The following SLC36A1 variants were observed in gnomAD, a reference collection of about 807,000 sequenced individuals.
SLC36A1 encodes the protein proton-coupled amino acid transporter 1.
A neutral mutation model predicts 47.5 loss-of-function variants in SLC36A1; 30 were observed. The observed-to-expected ratio is 0.63, with a 90% CI of 0.47 to 0.86. The LOEUF is 0.86. Ranked by LOEUF, SLC36A1 falls within the 40% of genes least tolerant of loss-of-function variation. The pLI is 0.00. For missense variants in SLC36A1, 517 were observed against 606.0 expected (o/e 0.85, Z 1.54); for synonymous variants, 255 against 249.7 (o/e 1.02, Z -0.20).
chr5:151,421,731 C>A, the SLC36A1 span, among the ~76,000 whole-genome samples: 3 of 151,944 alleles, frequency 2.0e-5, no homozygotes. Context: ...GCTGGGACTA[C>A]AGCCATGTGC....
the SLC36A1 span, among the ~76,000 whole-genome samples, chr5:151,428,768 G>A: frequency 6.6e-6 from 1 of 152,178 alleles, no homozygotes; most frequent in Non-Finnish European, 1.5e-5. Flanking sequence ...GAGTAGCTGG[G>A]ATGACAGGCA....
the SLC36A1 span, among the ~76,000 whole-genome samples, chr5:151,410,279 A>G: frequency 6.9e-6 from 1 of 145,312 alleles, no homozygotes; most frequent in Non-Finnish European, 1.5e-5. Context: ...TCATTCATTC[A>G]TTGAAAGAGA....
chr5:151,547,343 A>G, the SLC36A1 span, among the ~76,000 whole-genome samples: 43 of 152,218 alleles, frequency 2.8e-4, no homozygotes, highest in Admixed American at 1.9e-3. Context: ...TCTTCATTCT[A>G]TCAGGGAGCT....
At chr5:151,413,461 A>G in the SLC36A1 span, among the ~76,000 whole-genome samples, 25,487 of 152,108 alleles carry the variant, frequency 0.17, 2,372 homozygotes, top group East Asian at 0.38. Context: ...ATGGAAAAAA[A>G]CAAATAGCAT....
the SLC36A1 span, among the ~76,000 whole-genome samples, chr5:151,528,618 G>A: frequency 1.3e-5 from 2 of 152,216 alleles, no homozygotes; most frequent in African/African-American, 4.8e-5. Context: ...ACGATGTTTT[G>A]GGGAAAGGTA....
chr5:151,546,203 C>A, the SLC36A1 span: 1 of 1,614,174 alleles, frequency 6.2e-7, no homozygotes, highest in South Asian at 1.1e-5. Context: ...GTAGCCAGGT[C>A]ATGCCATTGT....
At chr5:151,512,739 G>T in the SLC36A1 span, 1 of 795,244 alleles carries the variant, frequency 1.3e-6, no homozygotes, top group South Asian at 1.8e-5. The surrounding 1 kb of genome is among the most constrained non-coding windows in gnomAD (Gnocchi z 4.1). Flanking sequence ...TTTAGACATG[G>T]CATTTGCAGA....
At chr5:151,385,358 A>T in the SLC36A1 span, among the ~76,000 whole-genome samples, 3 of 152,190 alleles carry the variant, frequency 2.0e-5, no homozygotes. Context: ...CCACCTGGCC[A>T]TGTCAGGCAG....
chr5:151,499,638 G>A, the SLC36A1 span, among the ~76,000 whole-genome samples: 1 of 152,016 alleles, frequency 6.6e-6, no homozygotes, highest in African/African-American at 2.4e-5. Context: ...TGCCTGCCTC[G>A]GAGATCCCAT....
the SLC36A1 span, among the ~76,000 whole-genome samples, chr5:151,390,021 C>A: frequency 2.0e-5 from 3 of 152,176 alleles, no homozygotes; most frequent in Non-Finnish European, 2.9e-5. Flanking sequence ...TTTACAGTCC[C>A]ACCAACAGTG....
rs1429506511 is a variant in SLC36A1, at chr5:151,492,324, T to C, written c.*4070T>C. On this transcript the variant is annotated 3_prime_UTR_variant, in exon 11 of 11. Transcript: ENST00000243389. ...TAGATCCTGTTTTGGGGTTTGCACATGGATCGTATGTTAAGCTTTTTCTTT... is the reference window on the plus strand; with the variant it reads ...TAGATCCTGTTTTGGGGTTTGCACACGGATCGTATGTTAAGCTTTTTCTTT... The C allele has an allele frequency of 6.6e-6, 1 of 152,208 alleles. No homozygotes were observed. The highest frequency in any genetic ancestry group is 2.4e-5 in the African/African-American group (1 of 41,442). 9.4% of individuals were successfully genotyped at this position (152,208 alleles called of 1,614,324 possible).
chr5:151,529,416 A>G, the SLC36A1 span: 21 of 1,608,582 alleles, frequency 1.3e-5, 1 homozygote, highest in Middle Eastern at 5.9e-4. Flanking sequence ...AGGTGACAGC[A>G]GCAATGAGGC....
At chr5:151,448,004 CTG>C (rs1415955865) in intron 1 of SLC36A1, 191 bp downstream of exon 1, 1 of 152,296 alleles carries the variant, frequency 6.6e-6, no homozygotes, top group Non-Finnish European at 1.5e-5. Flanking sequence ...GTGGGGGAAA[CTG>C]GGGTAGATGG....
chr5:151,507,290 T>A, the SLC36A1 span: 5 of 1,613,912 alleles, frequency 3.1e-6, no homozygotes, highest in Non-Finnish European at 4.2e-6. Flanking sequence ...ATGTGACGAG[T>A]TCATTTGGAA....
the SLC36A1 span, among the ~76,000 whole-genome samples, chr5:151,367,374 T>TTTTTTTTTTTCCC: frequency 4.1e-5 from 6 of 145,464 alleles, no homozygotes; most frequent in African/African-American, 1.6e-4. Context: ...TTTTTTTTTT[T>TTTTTTTTTTTCCC]CCCCAGGGTA....
the SLC36A1 span, chr5:151,522,132 C>G: frequency 1.4e-6 from 2 of 1,435,218 alleles, no homozygotes; most frequent in Admixed American, 2.2e-5. Flanking sequence ...AACTGCAGTG[C>G]TCTTGCGCCC....
chr5:151,469,403 A>G, intron 7 of SLC36A1: 1 of 574,188 alleles, frequency 1.7e-6, no homozygotes, highest in Non-Finnish European at 3.1e-6. Flanking sequence ...CCAGGTTAGT[A>G]TTCCTGGCTC....
chr5:151,470,372 T>C (rs892116723), intron 7 of SLC36A1, among the ~76,000 whole-genome samples: 6 of 152,216 alleles, frequency 3.9e-5, no homozygotes, highest in Non-Finnish European at 5.9e-5. Context: ...TGGGTTCTTA[T>C]AGCGTCTCAG....
chr5:151,550,113 T>C, the SLC36A1 span, among the ~76,000 whole-genome samples: 1 of 152,132 alleles, frequency 6.6e-6, no homozygotes, highest in African/African-American at 2.4e-5. Flanking sequence ...GGGAAGCAAG[T>C]GAGGCAAGTA....
Sources: gnomAD v4.1 joint callset for allele counts (sites outside exome capture counted in the v4.1 genomes callset) on GRCh38, gnomAD v4.1.1 for gene constraint, Gnocchi (gnomAD v3.1) non-coding constraint, MANE v1.5 for transcripts, NCBI Gene and HGNC (gene_info 2026-07-23, HGNC 2026-07-21) for gene names.